Variants in RERG observed in about 807,000 individuals in gnomAD.
RERG encodes the protein ras-related and estrogen-regulated growth inhibitor.
Under a neutral mutation model 23.2 loss-of-function variants are expected in RERG, and 25 were observed. That is an observed-to-expected ratio of 1.08 (90% CI 0.79 to 1.50). RERG has a LOEUF of 1.50. Ranked by LOEUF, RERG falls within the 40% of genes most tolerant of loss-of-function variation. The probability of loss-of-function intolerance (pLI) is 0.00; values close to 1 mark genes in which losing one functional copy is unlikely to be tolerated. For synonymous variants in RERG, 81 were observed against 89.1 expected (o/e 0.91, Z 0.51); for missense variants, 253 against 250.1 (o/e 1.01, Z -0.08).
intron 2 of RERG, among the ~76,000 whole-genome samples, chr12:15,128,979 T>C (rs1229379852): frequency 1.3e-5 from 2 of 152,196 alleles, no homozygotes; most frequent in African/African-American, 4.8e-5. Context: ...TTTACAGCAG[T>C]CCTTACTCTC....
intron 3 of RERG, among the ~76,000 whole-genome samples, chr12:15,116,241 T>C (rs1863719476): frequency 6.6e-6 from 1 of 152,216 alleles, no homozygotes; most frequent in South Asian, 2.1e-4. Flanking sequence ...CCATGCCCTT[T>C]GGCTTCTCCC....
rs1208634975 is a variant in RERG, at chr12:15,111,405, C to T, written c.131G>A (p.Arg44Gln). The change falls in exon 4 of 5, where the codon CGA becomes CAA. Residue 44 changes from arginine to glutamine, a missense_variant. Physicochemically the swap from Arg to Gln is conservative, Grantham distance 43 (BLOSUM62 1). Coordinates refer to ENST00000256953, the MANE Select transcript of RERG (RefSeq NM_032918.3). ...EYDPTLESTY[R>Q]HQATIDDEVV... is the part of the protein sequence containing the mutation. Reference sequence around the variant, plus strand: ...TTCATCATCGATGGTTGCTTGGTGTCGGTAGGTTGATTCTAAGGGAATGAG... The same window carrying T: ...TTCATCATCGATGGTTGCTTGGTGTTGGTAGGTTGATTCTAAGGGAATGAG... 7 of 1,612,090 alleles carry T rather than the reference C, an allele frequency of 4.3e-6. No individual in the cohort carries two copies. Among genetic ancestry groups the T allele is most frequent in the African/African-American group, 2.7e-5 (2 of 74,730 alleles).
At chr12:15,165,804 T>C (rs770923327) in intron 2 of RERG, among the ~76,000 whole-genome samples, 1 of 152,180 alleles carries the variant, frequency 6.6e-6, no homozygotes, top group Non-Finnish European at 1.5e-5. Flanking sequence ...TGAGATCAAC[T>C]AACGGCCTCA....
At chr12:15,138,046 C>T (rs776217653) in intron 2 of RERG, 45 of 254,274 alleles carry the variant, frequency 1.8e-4, no homozygotes, top group Middle Eastern at 1.4e-3. Context: ...AATTCTAGGT[C>T]GGTGGATTTT....
chr12:15,208,089 G>A (rs1023853386), intron 2 of RERG, among the ~76,000 whole-genome samples: 2 of 152,058 alleles, frequency 1.3e-5, no homozygotes, highest in African/African-American at 4.8e-5. Context: ...ATTCTTGGAC[G>A]GCCTTAAGTG....
At chr12:15,188,607 AATGT>A (rs1356770321) in intron 2 of RERG, among the ~76,000 whole-genome samples, 1 of 152,180 alleles carries the variant, frequency 6.6e-6, no homozygotes, top group African/African-American at 2.4e-5. Flanking sequence ...TTTCATATTT[AATGT>A]AAAGATGAAC....
chr12:15,216,720 A>T (rs1865445039), intron 2 of RERG, among the ~76,000 whole-genome samples: 1 of 152,222 alleles, frequency 6.6e-6, no homozygotes, highest in African/African-American at 2.4e-5. Flanking sequence ...GAATTCTTTA[A>T]TTATAAGATC....
intron 2 of RERG, among the ~76,000 whole-genome samples, chr12:15,135,776 T>C (rs1394030536): frequency 6.6e-6 from 1 of 152,144 alleles, no homozygotes; most frequent in Non-Finnish European, 1.5e-5. Context: ...TATACACCTT[T>C]TTATACATTG....
chr12:15,109,861 A>G (rs1157322657), intron 4 of RERG, among the ~76,000 whole-genome samples: 1 of 152,250 alleles, frequency 6.6e-6, no homozygotes, highest in Admixed American at 6.5e-5. Context: ...ATCACAATTA[A>G]GGACTTAGCA....
At chr12:15,183,934 T>C (rs1864958121) in intron 2 of RERG, among the ~76,000 whole-genome samples, 1 of 152,186 alleles carries the variant, frequency 6.6e-6, no homozygotes, top group South Asian at 2.1e-4. Context: ...AACAAACACT[T>C]AATATCTCTG....
At chr12:15,205,787 C>T (rs183510591) in intron 2 of RERG, among the ~76,000 whole-genome samples, 12 of 152,162 alleles carry the variant, frequency 7.9e-5, no homozygotes, top group Admixed American at 4.6e-4. Context: ...GAGGAAAAGA[C>T]GTTATCTTTG....
chr12:15,119,306 G>A (rs1309412969), intron 3 of RERG, among the ~76,000 whole-genome samples: 1 of 151,980 alleles, frequency 6.6e-6, no homozygotes, highest in East Asian at 1.9e-4. Flanking sequence ...TTTTTCAGAT[G>A]AATAAAACAA....
intron 1 of RERG, among the ~76,000 whole-genome samples, chr12:15,218,236 C>T (rs1334912179): frequency 6.6e-6 from 1 of 152,140 alleles, no homozygotes; most frequent in Non-Finnish European, 1.5e-5. Flanking sequence ...TGCCATGCTC[C>T]AAGTTATTCC....
At chr12:15,121,174 A>G in intron 2 of RERG, 55 bp from the exon 3 acceptor site, 1 of 1,387,070 alleles carries the variant, frequency 7.2e-7, no homozygotes, top group Non-Finnish European at 1.0e-6. Flanking sequence ...TGCTTAGCAC[A>G]CCTATCTTTT....
Position 15,198,769 on chromosome 12 carries a change from A to C in RERG, c.61+18660T>G, listed in dbSNP as rs74068775. ...TCATGGCTAATTATCCCTTTCCCCTATCCTCAAAGCCAGTAACCTTATATT... is the reference window on the plus strand; with the variant it reads ...TCATGGCTAATTATCCCTTTCCCCTCTCCTCAAAGCCAGTAACCTTATATT... On this transcript the variant is annotated intron_variant, in intron 2 of 4. Coordinates refer to ENST00000256953, the MANE Select transcript of RERG (RefSeq NM_032918.3). 6.4e-3 allele frequency among the ~76,000 whole-genome samples: 974 copies of C among 152,160 alleles called. 8 individuals are homozygous for C. Among genetic ancestry groups the C allele is most frequent in the African/African-American group, 0.022 (910 of 41,514 alleles).
chr12:15,142,705 G>T (rs796555419), intron 2 of RERG, among the ~76,000 whole-genome samples: 1 of 152,046 alleles, frequency 6.6e-6, no homozygotes, highest in Non-Finnish European at 1.5e-5. Flanking sequence ...GAAGAGAGAG[G>T]GGGGGTAGGA....
At chr12:15,109,840 T>G (rs1863572479) in intron 4 of RERG, among the ~76,000 whole-genome samples, 1 of 152,226 alleles carries the variant, frequency 6.6e-6, no homozygotes, top group Non-Finnish European at 1.5e-5. Flanking sequence ...ACATCACTTT[T>G]GAGACTTTTC....
intron 2 of RERG, among the ~76,000 whole-genome samples, chr12:15,141,979 G>A (rs1429387500): frequency 2.0e-5 from 3 of 152,194 alleles, no homozygotes; most frequent in Non-Finnish European, 4.4e-5. Flanking sequence ...AGGTCTAGAA[G>A]TAGAACTCAA....
intron 2 of RERG, among the ~76,000 whole-genome samples, chr12:15,122,800 G>GTTT (rs1358499591): frequency 7.3e-6 from 1 of 136,920 alleles, no homozygotes; most frequent in African/African-American, 2.7e-5. Context: ...TTTTTTTTTT[G>GTTT]TTTTTTGTTT....
Sources: allele counts gnomAD v4.1 joint callset (sites outside exome capture counted in the v4.1 genomes callset), GRCh38; gene constraint gnomAD v4.1.1; transcripts MANE v1.5; gene names NCBI Gene and HGNC (gene_info 2026-07-23, HGNC 2026-07-21).